Variants in RYR3 observed in about 807,000 individuals in gnomAD.
RYR3 encodes the protein brain ryanodine receptor-calcium release channel.
A neutral mutation model predicts 584.3 loss-of-function variants in RYR3; 207 were observed. That is an observed-to-expected ratio of 0.35 (90% CI 0.32 to 0.40). RYR3 has a LOEUF of 0.40. Among genes scored for constraint, RYR3 ranks in the 10% least tolerant of loss-of-function variants. The pLI is 1.00. For missense variants in RYR3, 5,616 were observed against 6,089.2 expected, an observed-to-expected ratio of 0.92 and a Z score of 2.59; for synonymous variants, 2,416 against 2,248.5, an observed-to-expected ratio of 1.07 and a Z score of -2.11.
intron 65 of RYR3, among the ~76,000 whole-genome samples, chr15:33,781,224 C>T (rs992010750): frequency 1.3e-5 from 2 of 152,154 alleles, no homozygotes; most frequent in Non-Finnish European, 2.9e-5. Context: ...AGAGGAGCTT[C>T]AAGTAGGAGC....
intron 95 of RYR3, 94 bp from the exon 96 acceptor site, chr15:33,853,461 G>C (rs2079316851): frequency 6.9e-7 from 1 of 1,453,016 alleles, no homozygotes; most frequent in African/African-American, 1.4e-5. Context: ...TTGGAAGATT[G>C]CCCATAGGGC....
intron 6 of RYR3, 28 bp from the exon 7 acceptor site, chr15:33,540,763 A>C (rs1310638660): frequency 7.0e-7 from 1 of 1,430,162 alleles, no homozygotes; most frequent in South Asian, 1.1e-5. Flanking sequence ...GTGATTTAAA[A>C]GATGTCTCAT....
At chr15:33,550,562 C>T (rs867743956) in intron 10 of RYR3, among the ~76,000 whole-genome samples, 1 of 152,140 alleles carries the variant, frequency 6.6e-6, no homozygotes, top group African/African-American at 2.4e-5. Context: ...GTGCAAGGAG[C>T]ATAGGAATGG....
In RYR3 at chr15:33,811,046, T is replaced by C. The variant is rs1484607272; in HGVS notation, c.10257+9T>C. ...TGCACTTGCAGGAAAAGGTGATGACTCAGGACAGCAGTGAGAACTCACACC... is the reference window on the plus strand; with the variant it reads ...TGCACTTGCAGGAAAAGGTGATGACCCAGGACAGCAGTGAGAACTCACACC... On this transcript the variant is annotated intron_variant, in intron 72 of 103. Transcript: ENST00000634891. The C allele has an allele frequency of 1.9e-6, 3 of 1,604,714 alleles. No homozygotes were observed. The highest frequency in any genetic ancestry group is 2.2e-5 in the East Asian group (1 of 44,574).
intron 42 of RYR3, among the ~76,000 whole-genome samples, chr15:33,706,329 T>A (rs2066714786): frequency 6.6e-6 from 1 of 152,212 alleles, no homozygotes. Context: ...TCTATCTCCA[T>A]AACTCTTTTC....
At chr15:33,534,675 T>C (rs993060333) in intron 5 of RYR3, among the ~76,000 whole-genome samples, 1 of 152,202 alleles carries the variant, frequency 6.6e-6, no homozygotes, top group Admixed American at 6.5e-5. Context: ...TCAAACAAGA[T>C]GCTGACTTGC....
chr15:33,682,780 G>T lies in RYR3; in HGVS notation c.5860+12224G>T, dbSNP rs553534990. 5.3e-5 allele frequency among the ~76,000 whole-genome samples: 8 copies of T among 152,288 alleles called. No homozygotes were observed. The East Asian group carries it at 1.5e-3, about 29-fold the overall frequency. The stretch of plus-strand genomic sequence containing the variant: ...CTTGGCAAGGCCTTCTTGAGATTCT[G>T]CTAAGTCAGTGCATAAAAATCCTAG... On this transcript the variant is annotated intron_variant, in intron 38 of 103. Coordinates refer to ENST00000634891, the MANE Select transcript of RYR3 (RefSeq NM_001036.6).
chr15:33,487,868 T>C (rs1398083912), intron 2 of RYR3, among the ~76,000 whole-genome samples: 1 of 152,254 alleles, frequency 6.6e-6, no homozygotes, highest in Non-Finnish European at 1.5e-5. Context: ...TGAACTGTTT[T>C]CTTTCAGGAA....
intron 48 of RYR3, 52 bp from the exon 49 acceptor site, chr15:33,736,180 CCTT>C: frequency 8.6e-7 from 1 of 1,156,284 alleles, no homozygotes. Context: ...TTTCATTCCT[CCTT>C]TATTATTATG....
intron 74 of RYR3, among the ~76,000 whole-genome samples, chr15:33,816,375 T>A (rs948513108): frequency 6.6e-6 from 1 of 152,222 alleles, no homozygotes; most frequent in Non-Finnish European, 1.5e-5. Flanking sequence ...CTGGAGCACT[T>A]TACCACTGTG....
At chr15:33,857,408 C>T (rs61506923) in intron 98 of RYR3, among the ~76,000 whole-genome samples, 17,958 of 151,828 alleles carry the variant, frequency 0.12, 1,322 homozygotes, top group Middle Eastern at 0.2. Context: ...AGATTGGTTG[C>T]GGGCCCATCT....
rs934647037 is a variant in RYR3, at chr15:33,532,810, A to T, written c.355-501A>T. 2.6e-5 allele frequency among the ~76,000 whole-genome samples: 4 copies of T among 152,276 alleles called. No individual in the cohort carries two copies. The East Asian group carries it at 7.7e-4, about 29-fold the overall frequency. ...CAGATAAGAGCATCTTTGAGGTTTTAAGTGTATTGTAAAAGTATTTTCAGC... is the reference window on the plus strand; with the variant it reads ...CAGATAAGAGCATCTTTGAGGTTTTTAGTGTATTGTAAAAGTATTTTCAGC... On this transcript the variant is annotated intron_variant, in intron 4 of 103. Transcript: ENST00000634891.
At chr15:33,704,423 C>T (rs2066538154) in intron 42 of RYR3, among the ~76,000 whole-genome samples, 1 of 152,130 alleles carries the variant, frequency 6.6e-6, no homozygotes, top group African/African-American at 2.4e-5. Context: ...AGAAGTTGCT[C>T]CTCCAGGCTC....
At chr15:33,603,091 T>C in intron 17 of RYR3, 32 bp from the exon 18 acceptor site, 1 of 1,611,390 alleles carries the variant, frequency 6.2e-7, no homozygotes, top group Non-Finnish European at 8.5e-7. Context: ...TTTAAGGGTG[T>C]GTAGATGCCA....
At chr15:33,344,428 T>C (rs1972191487) in intron 1 of RYR3, among the ~76,000 whole-genome samples, 2 of 152,194 alleles carry the variant, frequency 1.3e-5, no homozygotes, top group Admixed American at 1.3e-4. Context: ...CATTGACAAG[T>C]GGTTTTCTAA....
chr15:33,434,946 T>C (rs1413363730), intron 1 of RYR3, among the ~76,000 whole-genome samples: 1 of 152,060 alleles, frequency 6.6e-6, no homozygotes, highest in African/African-American at 2.4e-5. Context: ...GCCTCCCGAG[T>C]AGCTGGGACT....
intron 18 of RYR3, among the ~76,000 whole-genome samples, chr15:33,612,582 A>G (rs2060249623): frequency 6.6e-6 from 1 of 151,864 alleles, no homozygotes; most frequent in Non-Finnish European, 1.5e-5. Flanking sequence ...CTGGTCTCGA[A>G]CTCCTGACCT....
At chr15:33,673,603 C>T (rs1287548581) in intron 38 of RYR3, among the ~76,000 whole-genome samples, 3 of 152,162 alleles carry the variant, frequency 2.0e-5, no homozygotes, top group South Asian at 2.1e-4. Context: ...ACTTTTCCAA[C>T]GCTGCAGTTT....
rs147160182 is a variant in RYR3, at chr15:33,702,500, A to C, written c.6483+1420A>C. ...CATTAATTAGATATCAGTTCAGCCCATGTTTTCCTCCAAGGAGTGCAGGAG... is the reference window on the plus strand; with the variant it reads ...CATTAATTAGATATCAGTTCAGCCCCTGTTTTCCTCCAAGGAGTGCAGGAG... On this transcript the variant is annotated intron_variant, in intron 42 of 103. Coordinates refer to ENST00000634891, the MANE Select transcript of RYR3 (RefSeq NM_001036.6). Among the ~76,000 whole-genome samples the C allele has an allele frequency of 5.4e-3, 824 of 152,284 alleles. 7 individuals carry two copies. The highest frequency in any genetic ancestry group is 0.019 in the African/African-American group (789 of 41,546).
Sources: allele counts gnomAD v4.1 joint callset (sites outside exome capture counted in the v4.1 genomes callset), GRCh38; gene constraint gnomAD v4.1.1; transcripts MANE v1.5; gene names NCBI Gene and HGNC (gene_info 2026-07-23, HGNC 2026-07-21).